Variants in PPP4R3A observed in about 807,000 individuals in gnomAD.
The protein encoded by PPP4R3A is serine/threonine-protein phosphatase 4 regulatory subunit 3A.
Under a neutral mutation model 91.7 loss-of-function variants are expected in PPP4R3A, and 15 were observed. The observed-to-expected ratio is 0.16, with a 90% CI of 0.11 to 0.25. The LOEUF (loss-of-function observed/expected upper bound fraction) is 0.25, where lower values mean the gene tolerates loss of function less well. Among genes scored for constraint, PPP4R3A ranks in the 10% least tolerant of loss-of-function variants. The pLI, the probability that PPP4R3A is intolerant of heterozygous loss-of-function variation, is 1.00. For synonymous variants in PPP4R3A, 377 were observed against 348.7 expected (o/e 1.08, Z -0.91); for missense variants, 623 against 998.4 (o/e 0.62, Z 5.07).
At chr14:91,508,847 C>T (rs1308415206) in intron 1 of PPP4R3A, among the ~76,000 whole-genome samples, 1 of 152,158 alleles carries the variant, frequency 6.6e-6, no homozygotes, top group Non-Finnish European at 1.5e-5. Context: ...TCATATGATT[C>T]CAACTTTGCA....
intron 5 of PPP4R3A, 144 bp from the exon 6 acceptor site, chr14:91,476,668 C>T (rs1391181668): frequency 1.8e-5 from 12 of 677,130 alleles, no homozygotes; most frequent in East Asian, 5.6e-5. Flanking sequence ...CGAGTTCAAG[C>T]GATTCTCCTG....
At chr14:91,475,766 G>A (rs1364061742) in intron 7 of PPP4R3A, 45 bp downstream of exon 7, 2 of 1,527,060 alleles carry the variant, frequency 1.3e-6, no homozygotes, top group East Asian at 4.7e-5. Flanking sequence ...AACAGTTATA[G>A]CTTCCTATGT....
intron 1 of PPP4R3A, among the ~76,000 whole-genome samples, chr14:91,508,462 G>A (rs572872955): frequency 6.6e-6 from 1 of 152,234 alleles, no homozygotes; most frequent in Admixed American, 6.5e-5. Context: ...AACTGGCATC[G>A]TTAGCAACTG....
chr14:91,463,955 CTTT>C (rs1273086737), intron 11 of PPP4R3A, among the ~76,000 whole-genome samples: 2 of 152,238 alleles, frequency 1.3e-5, no homozygotes, highest in African/African-American at 4.8e-5. Flanking sequence ...TTGTTCCCTT[CTTT>C]ATTTCCATGT....
rs774347968 is a variant in PPP4R3A, at chr14:91,475,872, T to A, written c.1205A>T (p.Gln402Leu). 3 of 1,613,804 alleles carry A rather than the reference T, an allele frequency of 1.9e-6. No individual in the cohort carries two copies. Among genetic ancestry groups the A allele is most frequent in the Non-Finnish European group, 2.5e-6 (3 of 1,179,918 alleles). Residue 402 changes from glutamine to leucine, a missense_variant, in exon 7 of 15, where the codon CAG (glutamine) becomes CTG (leucine). Transcript: ENST00000554943. Reference sequence around the variant, plus strand: ...TACATCATCATTCTGTTGTGCCTCCTGCATGACAAACTCTCGTACCATGGA... The same window carrying A: ...TACATCATCATTCTGTTGTGCCTCCAGCATGACAAACTCTCGTACCATGGA... ...NPSMVREFVM[Q>L]EAQQNDDVSK...
intron 6 of PPP4R3A, 49 bp downstream of exon 6, chr14:91,476,359 T>C: frequency 1.6e-6 from 2 of 1,259,692 alleles, no homozygotes; most frequent in Non-Finnish European, 2.3e-6. Flanking sequence ...AAAATATTAA[T>C]TTTGGGATTA....
chr14:91,506,558 G>A (rs1891305616), intron 1 of PPP4R3A, among the ~76,000 whole-genome samples: 1 of 152,142 alleles, frequency 6.6e-6, no homozygotes, highest in African/African-American at 2.4e-5. Flanking sequence ...CATGGTGTGT[G>A]TGTATGTGTG....
At chr14:91,461,922 A>G (rs1275806815) in intron 13 of PPP4R3A, 127 bp downstream of exon 13, 1 of 1,371,114 alleles carries the variant, frequency 7.3e-7, no homozygotes, top group Non-Finnish European at 9.5e-7. Flanking sequence ...ACATCCCATA[A>G]AGCAATAGAG....
rs1446524623 is a variant in PPP4R3A at position 91,507,218 on chromosome 14, G to C, written c.142+2288C>G. ...TGCCCATAGTCCCAGCTACTAAGGAGGCTGAGGTAGGAGAATTGCTTGAAC... is the reference window on the plus strand; with the variant it reads ...TGCCCATAGTCCCAGCTACTAAGGACGCTGAGGTAGGAGAATTGCTTGAAC... On this transcript the variant is annotated intron_variant, in intron 1 of 14. Coordinates refer to ENST00000554943, the MANE Select transcript of PPP4R3A (RefSeq NM_001366432.2). 2.0e-5 allele frequency among the ~76,000 whole-genome samples: 3 copies of C among 151,232 alleles called. No individual in the cohort carries two copies. The East Asian group carries it at 5.8e-4, about 29-fold the overall frequency.
At chr14:91,490,902 T>A (rs1472060496) in intron 1 of PPP4R3A, 100 bp from the exon 2 acceptor site, 20 of 231,634 alleles carry the variant, frequency 8.6e-5, no homozygotes, top group African/African-American at 5.0e-4. Context: ...TAATAATAAT[T>A]TTTTTTTTTT....
chr14:91,500,339 T>A (rs1595088223), intron 1 of PPP4R3A, among the ~76,000 whole-genome samples: 1 of 152,164 alleles, frequency 6.6e-6, no homozygotes, highest in South Asian at 2.1e-4. Flanking sequence ...TGGCTGGGAC[T>A]ACAGGCGCAC....
chr14:91,504,504 A>C (rs1001096149), intron 1 of PPP4R3A, among the ~76,000 whole-genome samples: 1 of 151,656 alleles, frequency 6.6e-6, no homozygotes, highest in African/African-American at 2.4e-5. Context: ...CGTAAGGCTG[A>C]GGCGGGAGAA....
At chr14:91,497,634 C>CA (rs1426570886) in intron 1 of PPP4R3A, among the ~76,000 whole-genome samples, 2 of 151,952 alleles carry the variant, frequency 1.3e-5, no homozygotes, top group South Asian at 2.1e-4. Context: ...TGGACTTTCT[C>CA]AAAAAAATAA....
intron 14 of PPP4R3A, among the ~76,000 whole-genome samples, chr14:91,459,344 G>T (rs1233803049): frequency 6.6e-6 from 1 of 151,984 alleles, no homozygotes; most frequent in Non-Finnish European, 1.5e-5. Context: ...GACCTCAGGC[G>T]ATCCACCTAC....
intron 12 of PPP4R3A, among the ~76,000 whole-genome samples, 181 bp downstream of exon 12, chr14:91,462,554 T>C (rs188757713): frequency 1.1e-4 from 16 of 151,136 alleles, no homozygotes; most frequent in African/African-American, 3.6e-4. Flanking sequence ...GGTATTATAC[T>C]AATAACCAGC....
intron 10 of PPP4R3A, among the ~76,000 whole-genome samples, chr14:91,465,744 A>G (rs72701480): frequency 6.6e-6 from 1 of 152,356 alleles, no homozygotes; most frequent in Non-Finnish European, 1.5e-5. Flanking sequence ...AACCTATCAC[A>G]CTACTTAAGA....
chr14:91,470,841 T>G lies in PPP4R3A; in HGVS notation c.1656A>C (p.Ala552=). 6.2e-7 allele frequency: 1 copy of G among 1,605,070 alleles called. No individual in the cohort carries two copies. The highest frequency in any genetic ancestry group is 8.5e-7 in the Non-Finnish European group (1 of 1,178,076). ...VLMASKHAFL[A]LCALRFKRKI... ...ATAAATAATTCTAACACTTACATAA[T>G]GCCAAGAAAGCATGCTTCGAGGCCA... Residue 552 remains alanine, a synonymous_variant, in exon 10 of 15, where the codon GCA becomes GCC. Transcript: ENST00000554943.
chr14:91,489,410 G>A (rs1388991294), intron 2 of PPP4R3A, among the ~76,000 whole-genome samples: 2 of 152,180 alleles, frequency 1.3e-5, no homozygotes, highest in Non-Finnish European at 2.9e-5. Flanking sequence ...CTTTGTGGCT[G>A]ATGCTTAAGT....
At chr14:91,479,878 T>G (rs1889446202) in intron 4 of PPP4R3A, among the ~76,000 whole-genome samples, 1 of 152,180 alleles carries the variant, frequency 6.6e-6, no homozygotes, top group Non-Finnish European at 1.5e-5. Flanking sequence ...CAATCGATCC[T>G]CCTGCCTTGG....
Sources: allele counts gnomAD v4.1 joint callset (sites outside exome capture counted in the v4.1 genomes callset), GRCh38; gene constraint gnomAD v4.1.1; transcripts MANE v1.5; gene names NCBI Gene and HGNC (gene_info 2026-07-23, HGNC 2026-07-21).